Variants in HAS2 observed in about 807,000 individuals in gnomAD.
HAS2 encodes the protein HA synthase 2.
Under a neutral mutation model 51.6 loss-of-function variants are expected in HAS2, and 16 were observed. The observed-to-expected ratio is 0.31, with a 90% confidence interval of 0.21 to 0.47. The LOEUF (loss-of-function observed/expected upper bound fraction) is 0.47, where lower values mean the gene tolerates loss of function less well. Among genes scored for constraint, HAS2 ranks in the 20% least tolerant of loss-of-function variants. HAS2 has a pLI of 1.00. For synonymous variants in HAS2, 228 were observed against 235.5 expected, an observed-to-expected ratio of 0.97 and a Z score of 0.29; for missense variants, 361 against 662.6, an observed-to-expected ratio of 0.54 and a Z score of 5.00.
At position 121,629,230 on chromosome 8, in the gene HAS2, G is replaced by A; in HGVS notation, c.111C>T (p.Ile37=). ...AAGAGAAATAGTAATTATCCGTTTG[G>A]ATAAACTGGTAGCCAACAATATAAG... ...TAAYIVGYQF[I]QTDNYYFSFG... is the part of the protein sequence containing the mutation. Residue 37 remains isoleucine (I), a synonymous_variant, in exon 2 of 4, where the codon ATC becomes ATT. Coordinates refer to ENST00000303924, the MANE Select transcript of HAS2 (RefSeq NM_005328.3). The A allele has an allele frequency of 6.2e-7, 1 of 1,614,026 alleles. No homozygotes were observed. The highest frequency in any genetic ancestry group is 8.5e-7 in the Non-Finnish European group (1 of 1,179,892).
chr8:121,617,189 A>T lies in HAS2; in HGVS notation c.645T>A (p.Thr215=). 3 of 1,607,438 alleles carry T rather than the reference A, an allele frequency of 1.9e-6. No individual in the cohort carries two copies. Among genetic ancestry groups the T allele is most frequent in the Non-Finnish European group, 1.7e-6 (2 of 1,175,020 alleles). The change falls in exon 3 of 4, where the codon ACT becomes ACA. Residue 215 remains threonine, a synonymous_variant. Coordinates refer to ENST00000303924, the MANE Select transcript of HAS2 (RefSeq NM_005328.3). ...CCACAGATGAGGCTGGGTCAAGCAT[A>T]GTGTCTGAATCACAAACCTGCAAAG... ...VDYVQVCDSD[T]MLDPASSVEM...
intron 2 of HAS2, among the ~76,000 whole-genome samples, chr8:121,627,420 T>C (rs1032699116): frequency 7.9e-5 from 12 of 152,148 alleles, no homozygotes; most frequent in Admixed American, 7.9e-4. Context: ...GAGATTAACA[T>C]AATGAAGAAA....
chr8:121,613,843 T>G lies in HAS2; in HGVS notation c.*266A>C, dbSNP rs761292199. 1.6e-5 allele frequency: 8 copies of G among 496,390 alleles called. No individual in the cohort carries two copies. The highest frequency in any genetic ancestry group is 2.6e-5 in the Non-Finnish European group (7 of 274,178). 30.7% of individuals were successfully genotyped at this position (496,390 alleles called of 1,614,324 possible). A position where few individuals can be genotyped will look rare whatever the true frequency, so the allele number is the denominator to read the frequency against. On this transcript the variant is annotated 3_prime_UTR_variant, in exon 4 of 4. Coordinates refer to ENST00000303924, the MANE Select transcript of HAS2 (RefSeq NM_005328.3). ...GTGAGGTATATAGGGCAAAACACTT[T>G]CAGGCGGATGCACAGTAAGGAAAAA...
chr8:121,618,992 T>C (rs1242046969), intron 2 of HAS2, among the ~76,000 whole-genome samples: 2 of 151,832 alleles, frequency 1.3e-5, no homozygotes. Context: ...AACCAATTAG[T>C]AGAAGCATAA....
chr8:121,624,139 C>T (rs1812811503), intron 2 of HAS2, among the ~76,000 whole-genome samples: 1 of 152,092 alleles, frequency 6.6e-6, no homozygotes, highest in Non-Finnish European at 1.5e-5. Flanking sequence ...AACTCATGTC[C>T]AACAGCACGA....
chr8:121,617,464 C>T (rs992168431), intron 2 of HAS2, among the ~76,000 whole-genome samples: 7 of 152,092 alleles, frequency 4.6e-5, no homozygotes, highest in Non-Finnish European at 8.8e-5. Flanking sequence ...TGACTTGTAG[C>T]GTGATCAACT....
chr8:121,626,765 A>C (rs1812859732), intron 2 of HAS2, among the ~76,000 whole-genome samples: 1 of 152,172 alleles, frequency 6.6e-6, no homozygotes. Flanking sequence ...GAGGGATGAA[A>C]AGATGGAATT....
intron 2 of HAS2, among the ~76,000 whole-genome samples, chr8:121,625,989 A>G (rs1449968680): frequency 1.3e-5 from 2 of 152,164 alleles, no homozygotes. Flanking sequence ...TTGAACAGCT[A>G]CAGGGCCGAG....
intron 1 of HAS2, among the ~76,000 whole-genome samples, chr8:121,637,790 A>G (rs1457115759): frequency 6.6e-6 from 1 of 152,212 alleles, no homozygotes; most frequent in Non-Finnish European, 1.5e-5. Flanking sequence ...TGAGTTCTCT[A>G]CAGGTAGCTG....
intron 1 of HAS2, among the ~76,000 whole-genome samples, chr8:121,635,519 A>G (rs775329504): frequency 3.9e-5 from 6 of 152,210 alleles, no homozygotes; most frequent in Non-Finnish European, 8.8e-5. Context: ...GAATCAGAAG[A>G]AATGGATTCA....
rs566659648 is a variant in HAS2, at chr8:121,613,692, T to A, written c.*417A>T. On this transcript the variant is annotated 3_prime_UTR_variant, in exon 4 of 4. Coordinates refer to ENST00000303924, the MANE Select transcript of HAS2 (RefSeq NM_005328.3). ...TTTGGTAAAGTTAAAAAGAAAATCC[T>A]TCCTAAAAAAAAAAAATTATCATCT... 6.0e-6 allele frequency: 1 copy of A among 166,068 alleles called. No homozygotes were observed. The highest frequency in any genetic ancestry group is 1.7e-4 in the East Asian group (1 of 6,006). The allele number at this position is 166,068 out of a possible 1,614,324, so 10.3% of individuals were successfully genotyped here.
chr8:121,638,254 T>C (rs900157010), intron 1 of HAS2, among the ~76,000 whole-genome samples: 5 of 152,210 alleles, frequency 3.3e-5, no homozygotes, highest in African/African-American at 9.7e-5. Flanking sequence ...CCAACTAACT[T>C]ACTTTCTAGT....
intron 2 of HAS2, among the ~76,000 whole-genome samples, chr8:121,622,763 C>A (rs1021216409): frequency 2.0e-5 from 3 of 151,088 alleles, no homozygotes; most frequent in African/African-American, 7.3e-5. Context: ...AAGACTTTAT[C>A]AAGATTGTAT....
At chr8:121,628,055 A>C (rs2130444595) in intron 2 of HAS2, among the ~76,000 whole-genome samples, 1 of 152,336 alleles carries the variant, frequency 6.6e-6, no homozygotes, top group East Asian at 1.9e-4. Flanking sequence ...TCTAATTTTC[A>C]TGCAGGCAAA....
intron 1 of HAS2, among the ~76,000 whole-genome samples, chr8:121,638,654 C>G (rs1014344394): frequency 6.6e-6 from 1 of 152,108 alleles, no homozygotes; most frequent in Non-Finnish European, 1.5e-5. Flanking sequence ...CAACAGGTAA[C>G]TTAAAGTGTT....
At chr8:121,622,823 T>C (rs1037804625) in intron 2 of HAS2, among the ~76,000 whole-genome samples, 8 of 152,038 alleles carry the variant, frequency 5.3e-5, no homozygotes, top group Admixed American at 6.6e-5. Flanking sequence ...TCTAGATGAA[T>C]AGAATTTACA....
chr8:121,637,580 AG>A (rs948199272), intron 1 of HAS2, among the ~76,000 whole-genome samples: 2 of 151,762 alleles, frequency 1.3e-5, no homozygotes, highest in Admixed American at 6.6e-5. Flanking sequence ...TAGTAGAGAC[AG>A]GGTTTCACCA....
intron 1 of HAS2, among the ~76,000 whole-genome samples, chr8:121,633,559 C>G (rs1259411837): frequency 6.6e-6 from 1 of 152,086 alleles, no homozygotes; most frequent in Non-Finnish European, 1.5e-5. Context: ...GTGGAAACGA[C>G]CTAAAGAGAC....
chr8:121,617,828 C>T (rs865785807), intron 2 of HAS2, among the ~76,000 whole-genome samples: 18 of 152,054 alleles, frequency 1.2e-4, no homozygotes, highest in African/African-American at 3.9e-4. Flanking sequence ...CCATATGACC[C>T]GGGCTTAGCA....
Sources: gnomAD v4.1 joint callset for allele counts (sites outside exome capture counted in the v4.1 genomes callset) on GRCh38, gnomAD v4.1.1 for gene constraint, MANE v1.5 for transcripts, NCBI Gene and HGNC (gene_info 2026-07-23, HGNC 2026-07-21) for gene names.